WDPCP: variants seen among roughly 807,000 people sequenced by gnomAD.
WDPCP encodes WD repeat containing planar cell polarity effector.
Under a neutral mutation model 93.1 loss-of-function variants are expected in WDPCP, and 71 were observed. That is an observed-to-expected ratio of 0.76 (90% CI 0.63 to 0.93). WDPCP has a LOEUF of 0.93. WDPCP is among the 40% of genes least tolerant of loss of function. The pLI is 0.00. For synonymous variants in WDPCP, 315 were observed against 315.0 expected, an observed-to-expected ratio of 1.00 and a Z score of 0.00; for missense variants, 844 against 887.4, an observed-to-expected ratio of 0.95 and a Z score of 0.62.
At chr2:63,188,560 C>G (rs1443921604) in intron 14 of WDPCP, among the ~76,000 whole-genome samples, 2 of 152,076 alleles carry the variant, frequency 1.3e-5, no homozygotes, top group African/African-American at 4.8e-5. Context: ...TCTTGAACTC[C>G]TGAGCTCAAG....
upstream of WDPCP, among the ~76,000 whole-genome samples, chr2:63,828,763 C>T (rs1230902172): frequency 6.6e-6 from 1 of 152,098 alleles, no homozygotes; most frequent in African/African-American, 2.4e-5. Flanking sequence ...TGTCTTCTTC[C>T]TATTCAATCC....
intron 2 of WDPCP, among the ~76,000 whole-genome samples, chr2:63,658,865 C>A (rs1189519703): frequency 1.3e-5 from 2 of 152,164 alleles, no homozygotes; most frequent in Non-Finnish European, 2.9e-5. Flanking sequence ...TTCCTCAGTT[C>A]TCCTCTCACT....
At chr2:63,755,982 A>T (rs941141558) in intron 2 of WDPCP, among the ~76,000 whole-genome samples, 3 of 152,246 alleles carry the variant, frequency 2.0e-5, no homozygotes, top group Admixed American at 2.0e-4. Context: ...AAAATCTCAG[A>T]TAGAAGATTA....
intron 1 of WDPCP, among the ~76,000 whole-genome samples, chr2:63,501,702 C>T (rs1297114659): frequency 6.6e-6 from 1 of 152,190 alleles, no homozygotes; most frequent in Non-Finnish European, 1.5e-5. Context: ...CTGCAACTTC[C>T]ACCTCCCGGA....
At chr2:63,542,092 C>A (rs1224413127) in intron 1 of WDPCP, among the ~76,000 whole-genome samples, 1 of 152,058 alleles carries the variant, frequency 6.6e-6, no homozygotes, top group Non-Finnish European at 1.5e-5. Context: ...GACTGCATAG[C>A]AATATCTTGG....
At chr2:63,200,020 C>T (rs959199367) in intron 14 of WDPCP, among the ~76,000 whole-genome samples, 4 of 152,144 alleles carry the variant, frequency 2.6e-5, no homozygotes, top group Admixed American at 2.0e-4. Flanking sequence ...TATTTTGGAG[C>T]TTTAAGAGCT....
At chr2:63,737,071 G>C (rs1669648960) in intron 2 of WDPCP, among the ~76,000 whole-genome samples, 1 of 152,114 alleles carries the variant, frequency 6.6e-6, no homozygotes, top group South Asian at 2.1e-4. Flanking sequence ...AATGTACAGG[G>C]ATGTCTCATG....
chr2:63,734,001 C>A (rs113117419), intron 2 of WDPCP, among the ~76,000 whole-genome samples: 2,589 of 152,206 alleles, frequency 0.017, 25 homozygotes, highest in African/African-American at 0.019. Flanking sequence ...AGAATCACAC[C>A]ATATGTAACC....
intron 12 of WDPCP, among the ~76,000 whole-genome samples, chr2:63,348,310 G>A (rs1689336147): frequency 6.6e-6 from 1 of 152,138 alleles, no homozygotes; most frequent in Non-Finnish European, 1.5e-5. Flanking sequence ...ATTACTGCAT[G>A]CTATCTCCAC....
chr2:63,327,455 A>T (rs1687643444), intron 12 of WDPCP, among the ~76,000 whole-genome samples: 1 of 152,216 alleles, frequency 6.6e-6, no homozygotes, highest in African/African-American at 2.4e-5. Context: ...TTTCTCAGAC[A>T]GTTTGCAAGA....
At chr2:63,447,830 T>A (rs1280232826) in intron 6 of WDPCP, among the ~76,000 whole-genome samples, 1 of 152,132 alleles carries the variant, frequency 6.6e-6, no homozygotes. Flanking sequence ...TATTTTTAAA[T>A]GTGTGTATAC....
upstream of WDPCP, chr2:63,590,749 A>G (rs1709182002): frequency 6.6e-6 from 1 of 152,232 alleles, no homozygotes; most frequent in Non-Finnish European, 1.5e-5. Context: ...GGTGCCAGAT[A>G]ACACAGAGAC....
At chr2:63,246,851 C>T (rs920170888) in intron 14 of WDPCP, among the ~76,000 whole-genome samples, 1 of 152,110 alleles carries the variant, frequency 6.6e-6, no homozygotes, top group Non-Finnish European at 1.5e-5. Context: ...AATGAGCATC[C>T]AGTTGTTCAT....
intron 12 of WDPCP, among the ~76,000 whole-genome samples, chr2:63,323,424 TA>T (rs1451867330): frequency 6.6e-6 from 1 of 152,202 alleles, no homozygotes; most frequent in African/African-American, 2.4e-5. Context: ...TAGGGGGGAC[TA>T]TCTGGAATTT....
chr2:63,792,791 G>A (rs558296615), intron 2 of WDPCP, among the ~76,000 whole-genome samples: 3 of 152,078 alleles, frequency 2.0e-5, no homozygotes, highest in Non-Finnish European at 2.9e-5. Context: ...TGTAGGATCA[G>A]ACCTGAGGGC....
intron 2 of WDPCP, 71 bp from the exon 3 acceptor site, chr2:63,487,565 A>G (rs375485338): frequency 1.8e-6 from 2 of 1,125,640 alleles, no homozygotes; most frequent in South Asian, 2.6e-5. Flanking sequence ...AAGCCATACT[A>G]TATTAGGGGA....
chr2:63,737,719 C>T (rs1005074600), intron 2 of WDPCP, among the ~76,000 whole-genome samples: 2 of 152,114 alleles, frequency 1.3e-5, no homozygotes, highest in South Asian at 4.1e-4. Context: ...TTAGGCTCAA[C>T]CTTTACCACA....
At chr2:63,685,940 A>G (rs551977772) in intron 2 of WDPCP, among the ~76,000 whole-genome samples, 109 of 152,374 alleles carry the variant, frequency 7.2e-4, no homozygotes, top group Non-Finnish European at 5.9e-5. Flanking sequence ...AAAACTGGGT[A>G]CAGAAGAAAC....
rs1671572157 is a variant in WDPCP at position 63,147,127 on chromosome 2, T to C, written c.2190+5787A>G. Among the ~76,000 whole-genome samples the C allele has an allele frequency of 2.6e-5, 4 of 152,060 alleles. No homozygotes were observed. The South Asian group carries it at 8.3e-4, about 32-fold the overall frequency. ...GGTAAAGAGTGGCAGGAAATAAAAC[T>C]GGAAAGCACAGGTTAGTTAATGGAG... On this transcript the variant is annotated intron_variant, in intron 17 of 17. Transcript: ENST00000272321.
Sources: gnomAD v4.1 joint callset for allele counts (sites outside exome capture counted in the v4.1 genomes callset) on GRCh38, gnomAD v4.1.1 for gene constraint, MANE v1.5 for transcripts, NCBI Gene and HGNC (gene_info 2026-07-23, HGNC 2026-07-21) for gene names.